Variants in SP4 observed in about 807,000 individuals in gnomAD.
The protein encoded by SP4 is Sp4 transcription factor.
A neutral mutation model predicts 72.8 loss-of-function variants in SP4; 19 were observed. The ratio of observed to expected loss-of-function variants is 0.26; its 90% CI spans 0.18 to 0.38. The LOEUF is 0.38. Among genes scored for constraint, SP4 ranks in the 10% least tolerant of loss-of-function variants. SP4 has a pLI of 1.00. For synonymous variants in SP4, 395 were observed against 333.1 expected (o/e 1.19, Z -2.02); for missense variants, 1,008 against 926.3 (o/e 1.09, Z -1.14).
chr7:21,495,537 A>C (rs77175134), intron 5 of SP4, among the ~76,000 whole-genome samples: 6 of 152,172 alleles, frequency 3.9e-5, no homozygotes, highest in Non-Finnish European at 8.8e-5. Flanking sequence ...CCATAATGCA[A>C]TACTACTGTA....
chr7:21,430,798 G>C lies in SP4; in HGVS notation c.1633G>C (p.Gly545Arg). 1 of 1,614,068 alleles carries C rather than the reference G, an allele frequency of 6.2e-7. No individual in the cohort carries two copies. The highest frequency in any genetic ancestry group is 1.1e-5 in the South Asian group (1 of 91,076). The change falls in exon 3 of 6, where the codon GGT becomes CGT. Residue 545 changes from glycine to arginine, a missense_variant. Coordinates refer to ENST00000222584, the MANE Select transcript of SP4 (RefSeq NM_003112.5). Reference sequence around the variant, plus strand: ...GAGCGTTGCCAACCTGGGTGCTGCAGGTGTTCAAGTGCAGGGAGTTCCCGT... The same window carrying C: ...GAGCGTTGCCAACCTGGGTGCTGCACGTGTTCAAGTGCAGGGAGTTCCCGT... ...TVSVANLGAA[G>R]VQVQGVPVTI...
At chr7:21,438,469 A>G (rs574205451) in intron 3 of SP4, among the ~76,000 whole-genome samples, 6 of 152,126 alleles carry the variant, frequency 3.9e-5, no homozygotes, top group Non-Finnish European at 8.8e-5. Context: ...TCATAAATTA[A>G]TATATTTCTG....
At chr7:21,455,384 C>G (rs886559772) in intron 3 of SP4, among the ~76,000 whole-genome samples, 1 of 152,024 alleles carries the variant, frequency 6.6e-6, no homozygotes, top group Non-Finnish European at 1.5e-5. Context: ...CAAACTTTTC[C>G]CAGTTTTTTG....
rs563579514 is a variant in SP4, at chr7:21,442,980, C to T, written c.1678+12137C>T. ...TGAACTCCTGACCTCAGGTGATCCA[C>T]CCACCTTGGCCTCCCAAAGTGCTGG... On this transcript the variant is annotated intron_variant, in intron 3 of 5. Coordinates refer to ENST00000222584, the MANE Select transcript of SP4 (RefSeq NM_003112.5). Among the ~76,000 whole-genome samples the T allele has an allele frequency of 2.0e-5, 3 of 152,332 alleles. No homozygotes were observed. The East Asian group carries it at 5.8e-4, about 29-fold the overall frequency.
intron 3 of SP4, among the ~76,000 whole-genome samples, chr7:21,467,100 C>A (rs1288575425): frequency 6.6e-6 from 1 of 152,082 alleles, no homozygotes; most frequent in Non-Finnish European, 1.5e-5. Flanking sequence ...ACATTTTAGG[C>A]CAGGTAATTC....
chr7:21,452,970 C>T (rs904370894), intron 3 of SP4, among the ~76,000 whole-genome samples: 9 of 151,850 alleles, frequency 5.9e-5, no homozygotes, highest in East Asian at 5.8e-4. Context: ...TTAGTAGAGA[C>T]GGTTTCACCA....
At position 21,501,260 on chromosome 7, in the gene SP4, T is replaced by G. The variant is rs181007282; in HGVS notation, c.2108-9762T>G. Among the ~76,000 whole-genome samples the G allele has an allele frequency of 2.6e-5, 4 of 152,276 alleles. No homozygotes were observed. In the South Asian group the frequency reaches 6.2e-4, roughly 24 times the overall value. On this transcript the variant is annotated intron_variant, in intron 5 of 5. Transcript: ENST00000222584. Reference sequence around the variant, plus strand: ...TTCTAGGTGCGTGAGCCGTGCAGTTTGTTACATCCGCAGGCTGGTTGCCAG... The same window carrying G: ...TTCTAGGTGCGTGAGCCGTGCAGTTGGTTACATCCGCAGGCTGGTTGCCAG...
chr7:21,438,800 T>TA (rs1250987054), intron 3 of SP4, among the ~76,000 whole-genome samples: 1 of 152,224 alleles, frequency 6.6e-6, no homozygotes, highest in Non-Finnish European at 1.5e-5. Flanking sequence ...TTTGTCCAGT[T>TA]ATACCCTCTG....
intron 3 of SP4, among the ~76,000 whole-genome samples, chr7:21,449,251 C>T (rs974207592): frequency 3.5e-4 from 54 of 152,344 alleles, no homozygotes; most frequent in African/African-American, 1.2e-3. Context: ...AATAAAGGAT[C>T]TCGCCAACAG....
chr7:21,463,492 G>C (rs1583410518), intron 3 of SP4, among the ~76,000 whole-genome samples: 1 of 152,310 alleles, frequency 6.6e-6, no homozygotes, highest in South Asian at 2.1e-4. Context: ...AGGTGTGGCA[G>C]AAGTTCAGCG....
chr7:21,440,502 G>A (rs1783207346), intron 3 of SP4, among the ~76,000 whole-genome samples: 1 of 152,112 alleles, frequency 6.6e-6, no homozygotes, highest in Non-Finnish European at 1.5e-5. Context: ...CTTTGGTAAA[G>A]TGCAAGCAAG....
rs1784518531 is a variant in SP4, at chr7:21,477,007, A to T, written c.1679-72A>T. 6 of 1,114,920 alleles carry T rather than the reference A, an allele frequency of 5.4e-6. No homozygotes were observed. In the East Asian group the frequency reaches 1.0e-4, roughly 19 times the overall value. 69.1% of individuals were successfully genotyped at this position (1,114,920 alleles called of 1,614,324 possible). On this transcript the variant is annotated intron_variant, in intron 3 of 5. Coordinates refer to ENST00000222584, the MANE Select transcript of SP4 (RefSeq NM_003112.5). ...GTTAGAAAAAATTTATTATGCACAT[A>T]GATTTTTTTTTTTAATCCTTTCTTT...
At chr7:21,503,202 AACCTAAGGGATG>A (rs1464542183) in intron 5 of SP4, among the ~76,000 whole-genome samples, 1 of 152,110 alleles carries the variant, frequency 6.6e-6, no homozygotes. Flanking sequence ...AAGTCGTTTT[AACCTAAGGGATG>A]ACAGGGTGGA....
chr7:21,484,769 T>G (rs1171785670), intron 5 of SP4, among the ~76,000 whole-genome samples: 1 of 151,914 alleles, frequency 6.6e-6, no homozygotes, highest in Non-Finnish European at 1.5e-5. Flanking sequence ...ACATTATGAT[T>G]GCTTCATTTT....
chr7:21,443,165 T>C (rs1000181738), intron 3 of SP4, among the ~76,000 whole-genome samples: 2 of 152,194 alleles, frequency 1.3e-5, no homozygotes, highest in Admixed American at 1.3e-4. Context: ...AATTTATAAT[T>C]CTATTTTTTC....
rs569775901 is a variant in SP4, at chr7:21,492,464, A to C, written c.2107+10341A>C. Among the ~76,000 whole-genome samples the C allele has an allele frequency of 4.6e-5, 7 of 152,310 alleles. No homozygotes were observed. The East Asian group carries it at 1.3e-3, about 29-fold the overall frequency. ...TAGTCATTGGAGTGTGTTGTTTTTC[A>C]GTTTAGGATGCTCAGTCAGTATGTA... On this transcript the variant is annotated intron_variant, in intron 5 of 5. Coordinates refer to ENST00000222584, the MANE Select transcript of SP4 (RefSeq NM_003112.5).
At chr7:21,498,442 G>A (rs1486478773) in intron 5 of SP4, among the ~76,000 whole-genome samples, 2 of 152,098 alleles carry the variant, frequency 1.3e-5, no homozygotes, top group African/African-American at 4.8e-5. Flanking sequence ...GAAAATGTAG[G>A]GTACTCATGA....
chr7:21,474,461 A>C (rs1364907239), intron 3 of SP4, among the ~76,000 whole-genome samples: 1 of 152,160 alleles, frequency 6.6e-6, no homozygotes, highest in African/African-American at 2.4e-5. Context: ...GCAGTAAACA[A>C]AGTGTGTGTA....
Position 21,477,175 on chromosome 7 carries a change from C to G in SP4, c.1775C>G (p.Ala592Gly), listed in dbSNP as rs766566925. Residue 592 changes from alanine to glycine, a missense_variant, in exon 4 of 6, where the codon GCT becomes GGT. By Grantham distance (60) the Ala-to-Gly change is moderately conservative. This residue lies in a region of SP4 where 893 missense variants were observed against 743.3 expected (regional missense o/e 1.20). Transcript: ENST00000222584. ...GGAATTGCTAATGCCACGATAGGTG[C>G]TGTTAGTCCTGACCAACTCACACAA... is the stretch of plus-strand genomic sequence containing the variant. Reference protein sequence around the residue: ...VGGIANATIGAVSPDQLTQVH... With the variant: ...VGGIANATIGGVSPDQLTQVH... 1.9e-6 allele frequency: 3 copies of G among 1,614,042 alleles called. No individual in the cohort carries two copies. The highest frequency in any genetic ancestry group is 2.5e-6 in the Non-Finnish European group (3 of 1,179,862).
Sources: allele counts gnomAD v4.1 joint callset (sites outside exome capture counted in the v4.1 genomes callset), GRCh38; gene constraint gnomAD v4.1.1; regional missense constraint gnomAD v4.1.1; transcripts MANE v1.5; gene names NCBI Gene and HGNC (gene_info 2026-07-23, HGNC 2026-07-21).